PHRF1: variants seen among roughly 807,000 people sequenced by gnomAD.
PHRF1 encodes the protein PHD and RING finger domain-containing protein 1.
A neutral mutation model predicts 128.9 loss-of-function variants in PHRF1; 53 were observed. The ratio of observed to expected loss-of-function variants is 0.41; its 90% CI spans 0.33 to 0.52. The LOEUF (loss-of-function observed/expected upper bound fraction) is 0.52. PHRF1 is among the 20% of genes least tolerant of loss of function. PHRF1 has a pLI of 0.21. For synonymous variants in PHRF1, 1,178 were observed against 980.6 expected (o/e 1.20, Z -3.76); for missense variants, 2,503 against 2,284.5 (o/e 1.10, Z -1.95).
intron 3 of PHRF1, among the ~76,000 whole-genome samples, chr11:583,181 A>G (rs1854316364): frequency 6.6e-6 from 1 of 151,326 alleles, no homozygotes; most frequent in South Asian, 2.1e-4. Context: ...TCTACTAAAA[A>G]TAGAAAAATT....
Position 610,332 on chromosome 11 carries a change from C to G in PHRF1, c.4401C>G (p.Asp1467Glu). 2 of 1,566,308 alleles carry G rather than the reference C, an allele frequency of 1.3e-6. No individual in the cohort carries two copies. Among genetic ancestry groups the G allele is most frequent in the Admixed American group, 1.9e-5 (1 of 53,902 alleles). Residue 1467 changes from aspartate (D) to glutamate (E), a missense_variant, in exon 15 of 18, where the codon GAC (aspartate) becomes GAG (glutamate). Coordinates refer to ENST00000264555, the MANE Select transcript of PHRF1 (RefSeq NM_001286581.2). ...TGCTTCCGGAACCCGGGTTCCCAGA[C>G]ACAGACCCCTCTCAGGTGGGTGTCT... The part of the protein sequence containing the change: ...SHVLPEPGFP[D>E]TDPSQVYSPG...
chr11:589,856 G>A (rs528967300), intron 4 of PHRF1, among the ~76,000 whole-genome samples: 52 of 145,992 alleles, frequency 3.6e-4, no homozygotes, highest in East Asian at 3.1e-3. Context: ...AAACGGGCAC[G>A]GAGCGTGCGG....
Position 608,013 on chromosome 11 carries a change from G to A in PHRF1, c.2557G>A (p.Gly853Ser), listed in dbSNP as rs201862192. 78 of 1,611,154 alleles carry A rather than the reference G, an allele frequency of 4.8e-5. No individual in the cohort carries two copies. In the East Asian group the frequency reaches 6.5e-4, roughly 13 times the overall value. ...PGSSPERSGP[G>S]LLPSEITRTI... ...CAGCAGCCCCGAGAGGTCTGGCCCCGGCCTCCTGCCCTCTGAGATCACACG... is the reference window on the plus strand; with the variant it reads ...CAGCAGCCCCGAGAGGTCTGGCCCCAGCCTCCTGCCCTCTGAGATCACACG... The change falls in exon 14 of 18, where the codon GGC becomes AGC. Residue 853 changes from glycine to serine, a missense_variant. Physicochemically the swap from Gly to Ser is moderately conservative, Grantham distance 56. Transcript: ENST00000264555.
At chr11:582,231 G>T in intron 3 of PHRF1, 150 bp downstream of exon 3, 1 of 1,201,842 alleles carries the variant, frequency 8.3e-7, no homozygotes, top group Non-Finnish European at 1.1e-6. Context: ...TTCAGCTGTG[G>T]TGACGGCTCA....
Position 610,748 on chromosome 11 carries a change from C to T in PHRF1, c.4664C>T (p.Thr1555Ile), listed in dbSNP as rs750760591. The part of the protein sequence containing the change: ...TPAPRLAAEK[T>I]KKEEYMKKLH... ...GCCCCCAGGCTAGCTGCGGAGAAAA[C>T]CAAGAAGGAGGAGGTGAGTCCTGCC... The change falls in exon 16 of 18, where the codon ACC becomes ATC. Residue 1555 changes from threonine (T) to isoleucine (I), a missense_variant. Physicochemically the swap from Thr to Ile is moderately conservative, Grantham distance 89 (BLOSUM62 -1). Coordinates refer to ENST00000264555, the MANE Select transcript of PHRF1 (RefSeq NM_001286581.2). 9 of 1,601,212 alleles carry T rather than the reference C, an allele frequency of 5.6e-6. No homozygotes were observed. In the African/African-American group the frequency reaches 8.0e-5, roughly 14 times the overall value.
chr11:610,717 A>T lies in PHRF1; in HGVS notation c.4633A>T (p.Thr1545Ser). Residue 1545 changes from threonine to serine, a missense_variant, in exon 16 of 18, where the codon ACC (threonine) becomes TCC (serine). By Grantham distance (58) the Thr-to-Ser change is moderately conservative. Coordinates refer to ENST00000264555, the MANE Select transcript of PHRF1 (RefSeq NM_001286581.2). ...ATAASNSEEK[T>S]PAPRLAAEKT... ...TGCAGCCAGCAACTCGGAGGAGAAG[A>T]CCCCGGCCCCCAGGCTAGCTGCGGA... 2 of 1,602,440 alleles carry T rather than the reference A, an allele frequency of 1.2e-6. No individual in the cohort carries two copies.
intron 9 of PHRF1, 51 bp downstream of exon 9, chr11:598,553 C>T (rs1855439541): frequency 1.3e-6 from 2 of 1,564,010 alleles, no homozygotes; most frequent in Admixed American, 1.8e-5. Context: ...GGGACCCACG[C>T]CCGAGGTCCA....
chr11:581,798 G>A (rs1186752895), intron 2 of PHRF1, among the ~76,000 whole-genome samples, 164 bp from the exon 3 acceptor site: 2 of 152,272 alleles, frequency 1.3e-5, no homozygotes, highest in Non-Finnish European at 2.9e-5. Flanking sequence ...TTGAACGAAA[G>A]GATGTTCCCT....
At chr11:577,619 G>A (rs1853957245) in intron 1 of PHRF1, among the ~76,000 whole-genome samples, 1 of 152,248 alleles carries the variant, frequency 6.6e-6, no homozygotes, top group South Asian at 2.1e-4. Context: ...ACCTTTGTGC[G>A]TGCCTGACTT....
chr11:610,064 G>C, intron 14 of PHRF1, 132 bp from the exon 15 acceptor site: 2 of 1,206,550 alleles, frequency 1.7e-6, no homozygotes, highest in Non-Finnish European at 2.3e-6. Flanking sequence ...TCCCCTTGGT[G>C]CTGGGGGTGG....
At chr11:592,868 A>G (rs978963055) in intron 6 of PHRF1, among the ~76,000 whole-genome samples, 194 bp downstream of exon 6, 4 of 152,238 alleles carry the variant, frequency 2.6e-5, no homozygotes, top group Admixed American at 6.5e-5. Flanking sequence ...CTTTCCCCAA[A>G]AAACATTCTG....
intron 5 of PHRF1, among the ~76,000 whole-genome samples, 188 bp from the exon 6 acceptor site, chr11:592,371 T>C (rs996741530): frequency 1.3e-5 from 2 of 152,212 alleles, no homozygotes; most frequent in African/African-American, 4.8e-5. Context: ...TCCTCTTAGA[T>C]CACCACCCTG....
At chr11:587,835 C>T (rs914524980) in intron 4 of PHRF1, among the ~76,000 whole-genome samples, 1 of 152,172 alleles carries the variant, frequency 6.6e-6, no homozygotes, top group African/African-American at 2.4e-5. Context: ...TCAGTTGATA[C>T]AGAAAACACC....
At chr11:585,139 G>A (rs962124853) in intron 3 of PHRF1, among the ~76,000 whole-genome samples, 21 of 152,158 alleles carry the variant, frequency 1.4e-4, no homozygotes, top group Non-Finnish European at 5.9e-5. Context: ...ACGTTGCTGG[G>A]GCTTGGGAGC....
At chr11:611,390 C>T (rs1013119836) in intron 17 of PHRF1, among the ~76,000 whole-genome samples, 1 of 152,188 alleles carries the variant, frequency 6.6e-6, no homozygotes, top group Non-Finnish European at 1.5e-5. Context: ...TGCCTGGTGA[C>T]GTCTCAGCCC....
At position 608,253 on chromosome 11, in the gene PHRF1, C is replaced by T. The variant is rs570459725; in HGVS notation, c.2797C>T (p.Arg933Trp). Residue 933 changes from arginine to tryptophan, a missense_variant, in exon 14 of 18, where the codon CGG becomes TGG. Transcript: ENST00000264555. The stretch of plus-strand genomic sequence containing the variant: ...GAGCCAGGGCCTGGCTGCCCGGCTG[C>T]GGAGGCCATCCCCCCCAGAGCCCTG... ...TESQGLAARL[R>W]RPSPPEPWDE... 32 of 1,609,646 alleles carry T rather than the reference C, an allele frequency of 2.0e-5. No homozygotes were observed. Among genetic ancestry groups the T allele is most frequent in the South Asian group, 1.8e-4 (16 of 91,018 alleles).
chr11:611,465 G>A (rs1296779628), intron 17 of PHRF1, among the ~76,000 whole-genome samples, 169 bp from the exon 18 acceptor site: 1 of 152,194 alleles, frequency 6.6e-6, no homozygotes, highest in Non-Finnish European at 1.5e-5. Flanking sequence ...TAGCGAACAG[G>A]ACGGGGGTCT....
At position 607,151 on chromosome 11, in the gene PHRF1, C is replaced by G. The variant is rs780897004; in HGVS notation, c.1695C>G (p.Pro565=). The G allele has an allele frequency of 1.9e-6, 3 of 1,612,872 alleles. No homozygotes were observed. In the African/African-American group the frequency reaches 4.0e-5, roughly 22 times the overall value. Residue 565 remains proline, a synonymous_variant, in exon 14 of 18, where the codon CCC becomes CCG. Transcript: ENST00000264555. ...GCTGCCTGCAGCCCCGAGCACTGCC[C>G]TCCGGGAGCCCGGCCCAAGGCCCGT... ...FKGCLQPRAL[P]SGSPAQGPSG...
chr11:593,243 C>T (rs148825912), intron 6 of PHRF1, among the ~76,000 whole-genome samples: 8 of 152,358 alleles, frequency 5.3e-5, no homozygotes, highest in African/African-American at 1.7e-4. Flanking sequence ...TAGCCTCCTG[C>T]GAGGGGCTTT....
Sources: gnomAD v4.1 joint callset for allele counts (sites outside exome capture counted in the v4.1 genomes callset) on GRCh38, gnomAD v4.1.1 for gene constraint, MANE v1.5 for transcripts, NCBI Gene and HGNC (gene_info 2026-07-23, HGNC 2026-07-21) for gene names.